The following EBF1 variants were observed in gnomAD, a reference collection of about 807,000 sequenced individuals.
EBF1 encodes transcription factor COE1.
In EBF1, 10 loss-of-function variants were observed where a neutral mutation model predicts 68.4. The observed-to-expected ratio is 0.15, with a 90% CI of 0.09 to 0.25. EBF1 has a LOEUF of 0.25. Among genes scored for constraint, EBF1 ranks in the 10% least tolerant of loss-of-function variants. The pLI is 1.00. For missense variants in EBF1, 509 were observed against 794.4 expected, an observed-to-expected ratio of 0.64 and a Z score of 4.32; for synonymous variants, 298 against 299.8, an observed-to-expected ratio of 0.99 and a Z score of 0.06.
chr5:158,913,343 G>T (rs1162012108), intron 6 of EBF1, among the ~76,000 whole-genome samples: 1 of 152,168 alleles, frequency 6.6e-6, no homozygotes, highest in Non-Finnish European at 1.5e-5. Flanking sequence ...GGGCTTCATG[G>T]TTCTAAAGCT....
At chr5:159,034,631 C>T (rs1338765064) in intron 6 of EBF1, among the ~76,000 whole-genome samples, 1 of 152,194 alleles carries the variant, frequency 6.6e-6, no homozygotes, top group East Asian at 1.9e-4. Context: ...TTAACTCCAT[C>T]TTGCCTGTAC....
intron 6 of EBF1, among the ~76,000 whole-genome samples, chr5:158,992,503 C>A (rs909285361): frequency 1.3e-5 from 2 of 152,166 alleles, no homozygotes; most frequent in Non-Finnish European, 2.9e-5. Context: ...TTAATGGAAA[C>A]CACATGTCTG....
chr5:158,886,251 A>G (rs1055365891), intron 6 of EBF1, among the ~76,000 whole-genome samples: 17 of 152,272 alleles, frequency 1.1e-4, no homozygotes, highest in African/African-American at 4.1e-4. Flanking sequence ...CTAAACCACA[A>G]GTTTTACAAA....
chr5:158,861,842 TA>T (rs33912710), intron 6 of EBF1, among the ~76,000 whole-genome samples: 4,562 of 146,170 alleles, frequency 0.031, 186 homozygotes, highest in African/African-American at 0.098. Flanking sequence ...TGATTTATTG[TA>T]AAAAAAAAAA....
At chr5:158,715,691 A>G (rs1400271322) in intron 11 of EBF1, among the ~76,000 whole-genome samples, 1 of 152,208 alleles carries the variant, frequency 6.6e-6, no homozygotes, top group Non-Finnish European at 1.5e-5. Context: ...AATGTAAGCT[A>G]CAAGCTAATT....
chr5:158,957,869 A>G (rs1355683506), intron 6 of EBF1, among the ~76,000 whole-genome samples: 2 of 152,212 alleles, frequency 1.3e-5, no homozygotes, highest in Non-Finnish European at 2.9e-5. Context: ...CTTCAAGGAG[A>G]CCCTCAACTG....
intron 5 of EBF1, among the ~76,000 whole-genome samples, chr5:159,081,169 T>TG (rs35148030): frequency 1.9e-4 from 29 of 151,952 alleles, no homozygotes; most frequent in Admixed American, 9.8e-4. Context: ...TTTATAGAGA[T>TG]GGGGGGTCTC....
chr5:158,893,733 G>A (rs1000217236), intron 6 of EBF1, among the ~76,000 whole-genome samples: 3 of 152,172 alleles, frequency 2.0e-5, no homozygotes, highest in Admixed American at 2.0e-4. Flanking sequence ...ACATTTCCAA[G>A]TATATTCTCC....
Position 158,969,600 on chromosome 5 carries a change from CAA to C in EBF1, c.554+103794_554+103795del, listed in dbSNP as rs61084099. 1.6e-4 allele frequency among the ~76,000 whole-genome samples: 8 copies of C among 49,240 alleles called. No individual in the cohort carries two copies. In the East Asian group the frequency reaches 1.7e-3, roughly 11 times the overall value. 32.3% of individuals were successfully genotyped at this position (49,240 alleles called of 152,430 possible). On this transcript the variant is annotated intron_variant, in intron 6 of 15. Coordinates refer to ENST00000313708, the MANE Select transcript of EBF1 (RefSeq NM_024007.5). ...GCAACATGGTGAAACCCCATCTCTA[CAA>C]AAAAAAAAAAAAAAAAGCAAAAATT...
chr5:158,936,997 C>T (rs565929717), intron 6 of EBF1, among the ~76,000 whole-genome samples: 5 of 150,766 alleles, frequency 3.3e-5, no homozygotes, highest in African/African-American at 9.7e-5. Context: ...GGAGGGCAAC[C>T]GAAAGCTTGG....
chr5:158,764,671 C>T (rs1437562493), intron 10 of EBF1, among the ~76,000 whole-genome samples: 1 of 152,116 alleles, frequency 6.6e-6, no homozygotes, highest in Non-Finnish European at 1.5e-5. Context: ...TACATGTACT[C>T]AAAGTGTCAA....
Position 158,793,803 on chromosome 5 carries a change from A to C in EBF1, c.909+2542T>G, listed in dbSNP as rs190252578. ...ATTTCTCCATTCCCACCATTATACA[A>C]TGGATTTCTTTATTTGGGGCAGTAT... On this transcript the variant is annotated intron_variant, in intron 9 of 15. Transcript: ENST00000313708. Among the ~76,000 whole-genome samples the C allele has an allele frequency of 8.8e-4, 134 of 152,288 alleles. 2 individuals carry two copies. Among genetic ancestry groups the C allele is most frequent in the South Asian group, 7.1e-3 (34 of 4,822 alleles).
rs138444588 is a variant in EBF1 at position 158,991,802 on chromosome 5, C to A, written c.554+81594G>T. ...TTTGCATATAAAATTCAAGCCATTTCTTATGTTGTGTCTGTGTTACCTGTG... is the reference window on the plus strand; with the variant it reads ...TTTGCATATAAAATTCAAGCCATTTATTATGTTGTGTCTGTGTTACCTGTG... On this transcript the variant is annotated intron_variant, in intron 6 of 15. Coordinates refer to ENST00000313708, the MANE Select transcript of EBF1 (RefSeq NM_024007.5). Among the ~76,000 whole-genome samples the A allele has an allele frequency of 2.2e-3, 342 of 152,314 alleles. 2 individuals carry two copies. The highest frequency in any genetic ancestry group is 7.5e-3 in the African/African-American group (311 of 41,572).
At chr5:159,067,887 A>G (rs1346133596) in intron 6 of EBF1, among the ~76,000 whole-genome samples, 4 of 152,132 alleles carry the variant, frequency 2.6e-5, no homozygotes, top group Non-Finnish European at 4.4e-5. Context: ...CAAAAACACA[A>G]TAATTATCCT....
At chr5:158,754,289 T>C (rs934229757) in intron 10 of EBF1, among the ~76,000 whole-genome samples, 8 of 152,086 alleles carry the variant, frequency 5.3e-5, no homozygotes, top group African/African-American at 1.7e-4. Context: ...AGCCAATAAA[T>C]CTTTGGTGTT....
intron 6 of EBF1, among the ~76,000 whole-genome samples, chr5:159,011,627 T>C (rs1764678754): frequency 6.6e-6 from 1 of 152,222 alleles, no homozygotes; most frequent in South Asian, 2.1e-4. Flanking sequence ...AAAACCTTTG[T>C]TCTAAATACT....
chr5:159,076,373 G>A (rs945354899), intron 5 of EBF1, among the ~76,000 whole-genome samples: 4 of 152,080 alleles, frequency 2.6e-5, no homozygotes, highest in South Asian at 4.2e-4. Context: ...ATCCCAACCC[G>A]TAGAACAAAC....
At chr5:158,828,188 A>G (rs965565044) in intron 7 of EBF1, among the ~76,000 whole-genome samples, 1 of 152,232 alleles carries the variant, frequency 6.6e-6, no homozygotes, top group Non-Finnish European at 1.5e-5. Context: ...CTCAGCAATA[A>G]AAAGGAACAA....
intron 6 of EBF1, among the ~76,000 whole-genome samples, chr5:159,045,797 T>G (rs1421385482): frequency 6.6e-6 from 1 of 152,178 alleles, no homozygotes; most frequent in Non-Finnish European, 1.5e-5. Context: ...TCATAAAGTC[T>G]TATCAAGATT....
Sources: gnomAD v4.1 joint callset for allele counts (sites outside exome capture counted in the v4.1 genomes callset) on GRCh38, gnomAD v4.1.1 for gene constraint, MANE v1.5 for transcripts, NCBI Gene and HGNC (gene_info 2026-07-23, HGNC 2026-07-21) for gene names.